The following ZNF385A variants were observed in gnomAD, a reference collection of about 807,000 sequenced individuals.
ZNF385A encodes the protein zinc finger protein 385A.
A neutral mutation model predicts 32.1 loss-of-function variants in ZNF385A; 14 were observed. That is an observed-to-expected ratio of 0.44 (90% confidence interval 0.29 to 0.68). The LOEUF (loss-of-function observed/expected upper bound fraction) is 0.68, where lower values mean the gene tolerates loss of function less well. Among genes scored for constraint, ZNF385A ranks in the 30% least tolerant of loss-of-function variants. The pLI, the probability that ZNF385A is intolerant of heterozygous loss-of-function variation, is 0.14. For missense variants in ZNF385A, 406 were observed against 478.4 expected (o/e 0.85, Z 1.41); for synonymous variants, 197 against 202.7 (o/e 0.97, Z 0.24).
chr12:54,387,416 C>A (rs1211097108), upstream of ZNF385A, among the ~76,000 whole-genome samples: 1 of 152,234 alleles, frequency 6.6e-6, no homozygotes, highest in Non-Finnish European at 1.5e-5. Context: ...GCGAGAGAGG[C>A]AGATGGCAGC....
intron 1 of ZNF385A, among the ~76,000 whole-genome samples, chr12:54,380,147 C>G (rs1438792091): frequency 6.6e-6 from 1 of 152,030 alleles, no homozygotes; most frequent in Non-Finnish European, 1.5e-5. Context: ...TAGGAACTGC[C>G]CAAGTAGGAG....
chr12:54,391,206 G>A (rs185149959), intron 1 of ZNF385A: 4 of 1,475,086 alleles, frequency 2.7e-6, no homozygotes, highest in South Asian at 2.6e-5. Context: ...CCCAGGAGCC[G>A]GGAGCCTGGA....
intron 1 of ZNF385A, among the ~76,000 whole-genome samples, chr12:54,381,904 T>C (rs1411110443): frequency 6.6e-6 from 1 of 152,200 alleles, no homozygotes; most frequent in Non-Finnish European, 1.5e-5. Flanking sequence ...AAAATGCCTC[T>C]GACACAGCTC....
rs755920947 is a variant in ZNF385A, at chr12:54,371,574, C to G, written c.503G>C (p.Gly168Ala). 4.3e-6 allele frequency: 7 copies of G among 1,613,602 alleles called. No homozygotes were observed. Among genetic ancestry groups the G allele is most frequent in the Non-Finnish European group, 5.9e-6 (7 of 1,179,848 alleles). Residue 168 changes from glycine (G) to alanine (A), a missense_variant, in exon 4 of 7, where the codon GGG (glycine) becomes GCG (alanine). Coordinates refer to ENST00000394313, the MANE Select transcript of ZNF385A (RefSeq NM_015481.3). ...GGTPAPASLP[G>A]GSKEEEEKAK... is the part of the protein sequence containing the mutation. ...TTTCTCCTCCTCTTCCTTGCTACCCCCAGGCAAGGAAGCCGGGGCTGGAGT... is the reference window on the plus strand; with the variant it reads ...TTTCTCCTCCTCTTCCTTGCTACCCGCAGGCAAGGAAGCCGGGGCTGGAGT...
At chr12:54,380,662 C>T (rs1237107946) in intron 1 of ZNF385A, among the ~76,000 whole-genome samples, 1 of 152,232 alleles carries the variant, frequency 6.6e-6, no homozygotes, top group East Asian at 1.9e-4. Context: ...CCTGTTCCCA[C>T]TGCCTAATTC....
intron 2 of ZNF385A, among the ~76,000 whole-genome samples, chr12:54,375,332 C>T (rs536701950): frequency 2.4e-4 from 37 of 152,184 alleles, no homozygotes; most frequent in Admixed American, 2.2e-3. Context: ...AGAGTAGGGG[C>T]CAGGCCTTGT....
upstream of ZNF385A, among the ~76,000 whole-genome samples, chr12:54,387,027 C>T (rs2700159): frequency 0.16 from 24,342 of 152,154 alleles, 3,000 homozygotes; most frequent in African/African-American, 0.33. Flanking sequence ...TCAAGATCTG[C>T]TGGACTCTAC....
intron 1 of ZNF385A, among the ~76,000 whole-genome samples, chr12:54,380,461 G>A (rs186954770): frequency 1.2e-3 from 182 of 152,302 alleles, no homozygotes; most frequent in African/African-American, 4.1e-3. Flanking sequence ...CCAAAGCCAC[G>A]TACTTAACTG....
chr12:54,376,445 C>G (rs1322139667), intron 1 of ZNF385A, among the ~76,000 whole-genome samples: 2 of 152,156 alleles, frequency 1.3e-5, no homozygotes, highest in Non-Finnish European at 2.9e-5. Context: ...TCCCAGGAGA[C>G]AGATGTTCCC....
chr12:54,384,532 GC>G lies in ZNF385A; in HGVS notation c.-19del. The G allele has an allele frequency of 6.6e-7, 1 of 1,510,980 alleles. No homozygotes were observed. The highest frequency in any genetic ancestry group is 1.3e-5 in the South Asian group (1 of 78,624). The allele number at this position is 1,510,980 out of a possible 1,614,324, so 93.6% of individuals were successfully genotyped here. A position where few individuals can be genotyped will look rare whatever the true frequency, so the allele number is the denominator to read the frequency against. Reference sequence around the variant, plus strand: ...GGCTGCATGATCGGGGGCTGCCGTAGCAGAGGCAGGGGCCCTGCCCGGCTCA... The same window carrying G: ...GGCTGCATGATCGGGGGCTGCCGTAGAGAGGCAGGGGCCCTGCCCGGCTCA... On this transcript the variant is annotated 5_prime_UTR_variant, in exon 1 of 7. Coordinates refer to ENST00000394313, the MANE Select transcript of ZNF385A (RefSeq NM_015481.3).
chr12:54,385,837 G>A (rs1466928227), upstream of ZNF385A: 2 of 181,414 alleles, frequency 1.1e-5, no homozygotes, highest in East Asian at 3.7e-4. Context: ...CAGAATCCTG[G>A]AAAAGTGGGG....
intron 1 of ZNF385A, among the ~76,000 whole-genome samples, chr12:54,380,812 T>TA (rs1955119670): frequency 6.6e-6 from 1 of 152,186 alleles, no homozygotes; most frequent in South Asian, 2.1e-4. Flanking sequence ...GGCATTATGA[T>TA]TATGTAATAT....
Position 54,370,465 on chromosome 12 carries a change from C to G in ZNF385A, c.892G>C (p.Glu298Gln). ...CCGCCCGCCAGGGACTTGGGCAGCT[C>G]CTTGGAGAAAGTCAGCGTGCCCTGA... is the stretch of plus-strand genomic sequence containing the variant. Reference protein sequence around the residue: ...ELAGTLTFSKELPKSLAGGLL... With the variant: ...ELAGTLTFSKQLPKSLAGGLL... Residue 298 changes from glutamate (E) to glutamine (Q), a missense_variant, in exon 7 of 7, where the codon GAG becomes CAG. Coordinates refer to ENST00000394313, the MANE Select transcript of ZNF385A (RefSeq NM_015481.3). This position sits in a 1 kb window ranked among gnomAD's most constrained non-coding sequence, Gnocchi z 5.5. 6.4e-7 allele frequency: 1 copy of G among 1,551,238 alleles called. No homozygotes were observed. The highest frequency in any genetic ancestry group is 8.7e-7 in the Non-Finnish European group (1 of 1,146,824).
intron 1 of ZNF385A, 89 bp from the exon 2 acceptor site, chr12:54,376,043 T>G (rs1954835118): frequency 2.9e-6 from 3 of 1,026,816 alleles, no homozygotes; most frequent in Admixed American, 1.9e-5. Context: ...TGAACCAAGG[T>G]CCCCAGACCC....
chr12:54,384,968 C>T, upstream of ZNF385A: 1 of 985,898 alleles, frequency 1.0e-6, no homozygotes, highest in Non-Finnish European at 1.2e-6. Context: ...CTTGGTATCG[C>T]CCCAGGAAGA....
chr12:54,374,096 G>T lies in ZNF385A; in HGVS notation c.238C>A (p.Arg80=). 1 of 1,588,642 alleles carries T rather than the reference G, an allele frequency of 6.3e-7. No homozygotes were observed. Among genetic ancestry groups the T allele is most frequent in the Non-Finnish European group, 8.6e-7 (1 of 1,164,578 alleles). Reference sequence around the variant, plus strand: ...GCAGCCTCAATGCCTTTGACTCGTCGGGCGTGGCGATTACCTTTGTAGTGC... The same window carrying T: ...GCAGCCTCAATGCCTTTGACTCGTCTGGCGTGGCGATTACCTTTGTAGTGC... The part of the protein sequence containing the change: ...EAHYKGNRHA[R]RVKGIEAAKT... The change falls in exon 3 of 7, where the codon CGA becomes AGA. Residue 80 remains arginine (R), a synonymous_variant. Transcript: ENST00000394313.
At chr12:54,378,423 A>G (rs1342559932) in intron 1 of ZNF385A, among the ~76,000 whole-genome samples, 1 of 152,170 alleles carries the variant, frequency 6.6e-6, no homozygotes, top group African/African-American at 2.4e-5. Context: ...GCCCTCCAAC[A>G]GTAGACATGA....
At chr12:54,377,779 A>G (rs749796758) in intron 1 of ZNF385A, among the ~76,000 whole-genome samples, 3 of 151,960 alleles carry the variant, frequency 2.0e-5, no homozygotes, top group Non-Finnish European at 4.4e-5. Context: ...GCTTCCTCAC[A>G]TGCTGGGTGG....
chr12:54,376,707 C>G (rs985072193), intron 1 of ZNF385A, among the ~76,000 whole-genome samples: 1 of 152,216 alleles, frequency 6.6e-6, no homozygotes, highest in African/African-American at 2.4e-5. Context: ...GGAACCATCC[C>G]TGTCCCCACC....
Sources: gnomAD v4.1 joint callset for allele counts (sites outside exome capture counted in the v4.1 genomes callset) on GRCh38, gnomAD v4.1.1 for gene constraint, Gnocchi (gnomAD v3.1) non-coding constraint, MANE v1.5 for transcripts, NCBI Gene and HGNC (gene_info 2026-07-23, HGNC 2026-07-21) for gene names.